SCP2: variants seen among roughly 807,000 people sequenced by gnomAD.
SCP2 encodes the protein SCP-2/3-oxoacyl-CoA thiolase.
A neutral mutation model predicts 71.4 loss-of-function variants in SCP2; 48 were observed. The ratio of observed to expected loss-of-function variants is 0.67; its 90% CI spans 0.53 to 0.86. The LOEUF is 0.86. Ranked by LOEUF, SCP2 falls within the 40% of genes least tolerant of loss-of-function variation. The pLI is 0.00. For synonymous variants in SCP2, 220 were observed against 218.1 expected, an observed-to-expected ratio of 1.01 and a Z score of -0.08; for missense variants, 560 against 655.6, an observed-to-expected ratio of 0.85 and a Z score of 1.59.
chr1:52,986,452 C>A (rs1307291298), intron 10 of SCP2, among the ~76,000 whole-genome samples: 3 of 152,136 alleles, frequency 2.0e-5, no homozygotes, highest in Admixed American at 2.0e-4. Context: ...AGAGAGAATG[C>A]CTTAGCCAAT....
chr1:53,012,755 C>T (rs140898276), intron 11 of SCP2, among the ~76,000 whole-genome samples: 1 of 152,320 alleles, frequency 6.6e-6, no homozygotes, highest in Non-Finnish European at 1.5e-5. Flanking sequence ...ATAGAGGTGG[C>T]TATCTTGCCA....
intron 10 of SCP2, among the ~76,000 whole-genome samples, chr1:52,984,558 A>G (rs1417529012): frequency 1.3e-5 from 2 of 149,138 alleles, no homozygotes; most frequent in East Asian, 3.9e-4. Context: ...TTTCTTTGAG[A>G]TGGAGTTTCT....
chr1:52,949,738 G>A lies in SCP2; in HGVS notation c.200-1017G>A, dbSNP rs554720738. Among the ~76,000 whole-genome samples the A allele has an allele frequency of 2.6e-5, 4 of 152,338 alleles. No individual in the cohort carries two copies. The South Asian group carries it at 8.3e-4, about 32-fold the overall frequency. Reference sequence around the variant, plus strand: ...GAAGAGGAACAGGCTATGACTTAATGCTTGCTTGGGCCAGTATAAGCATGC... The same window carrying A: ...GAAGAGGAACAGGCTATGACTTAATACTTGCTTGGGCCAGTATAAGCATGC... On this transcript the variant is annotated intron_variant, in intron 3 of 15. Transcript: ENST00000371514.
In SCP2 at chr1:52,999,630, A is replaced by G. The variant is rs114904166; in HGVS notation, c.1081+11494A>G. ...ATTGAGTATTCTTTTGTTCATTGTT[A>G]GTTTAAAAACATTAATTCCTTTTAG... On this transcript the variant is annotated intron_variant, in intron 11 of 15. Transcript: ENST00000371514. 2.7e-3 allele frequency among the ~76,000 whole-genome samples: 412 copies of G among 152,312 alleles called. 3 individuals carry two copies. The highest frequency in any genetic ancestry group is 9.3e-3 in the African/African-American group (386 of 41,584).
At chr1:53,048,038 A>G in intron 15 of SCP2, 101 bp downstream of exon 15, 4 of 826,426 alleles carry the variant, frequency 4.8e-6, no homozygotes, top group Non-Finnish European at 8.4e-6. Context: ...GGTCAGACTC[A>G]CAAAACTCAG....
intron 11 of SCP2, among the ~76,000 whole-genome samples, chr1:53,001,661 G>A (rs80233556): frequency 1.7e-3 from 256 of 152,194 alleles, no homozygotes; most frequent in African/African-American, 5.7e-3. Context: ...TAGCGTCCAG[G>A]GTCTTAACCA....
At chr1:52,951,049 G>C (rs35364355) in intron 4 of SCP2, among the ~76,000 whole-genome samples, 163 bp downstream of exon 4, 1 of 152,114 alleles carries the variant, frequency 6.6e-6, no homozygotes, top group East Asian at 1.9e-4. Flanking sequence ...GGGAGGCCGA[G>C]GGGGGTGGAT....
intron 5 of SCP2, among the ~76,000 whole-genome samples, chr1:52,959,016 C>T (rs1483458053): frequency 6.6e-6 from 1 of 152,146 alleles, no homozygotes; most frequent in Admixed American, 6.6e-5. Flanking sequence ...TGAGCCACCA[C>T]ACCCAGTCTA....
intron 13 of SCP2, among the ~76,000 whole-genome samples, chr1:53,032,830 G>T (rs948489136): frequency 1.3e-5 from 2 of 152,180 alleles, no homozygotes; most frequent in African/African-American, 4.8e-5. Flanking sequence ...TCTGCTTAAT[G>T]AGCTAATACT....
At chr1:53,014,785 T>A (rs2150227783) in intron 11 of SCP2, 105 bp from the exon 12 acceptor site, 2 of 1,261,128 alleles carry the variant, frequency 1.6e-6, no homozygotes, top group South Asian at 2.6e-5. Flanking sequence ...TACACAAACG[T>A]GGCCTCGGCT....
intron 11 of SCP2, chr1:52,994,188 A>G: frequency 4.8e-6 from 5 of 1,034,782 alleles, no homozygotes; most frequent in Non-Finnish European, 5.8e-6. Flanking sequence ...TGGGACATGG[A>G]GATGTCTGGA....
chr1:52,979,810 T>G (rs938564566), intron 9 of SCP2, among the ~76,000 whole-genome samples: 1 of 152,154 alleles, frequency 6.6e-6, no homozygotes, highest in Non-Finnish European at 1.5e-5. Flanking sequence ...AGTACAAAAT[T>G]GAATATGTAC....
At position 52,927,482 on chromosome 1, in the gene SCP2, C is replaced by T. The variant is rs1652543292; in HGVS notation, c.69+17C>T. 1.9e-6 allele frequency: 3 copies of T among 1,579,486 alleles called. No individual in the cohort carries two copies. The highest frequency in any genetic ancestry group is 2.6e-6 in the Non-Finnish European group (3 of 1,161,150). ...ATGACCAAGGTAAACCGAGCAGCGG[C>T]CCTGCTGGCCCTCTGAGGCTCGGGG... On this transcript the variant is annotated intron_variant, in intron 1 of 15. Coordinates refer to ENST00000371514, the MANE Select transcript of SCP2 (RefSeq NM_002979.5).
intron 6 of SCP2, among the ~76,000 whole-genome samples, chr1:52,962,842 T>C (rs552934959): frequency 1.3e-5 from 2 of 152,142 alleles, no homozygotes; most frequent in South Asian, 4.2e-4. Context: ...ATGGCACCTA[T>C]AATAATCTGA....
intron 11 of SCP2, chr1:52,995,859 C>A: frequency 7.7e-7 from 1 of 1,302,564 alleles, no homozygotes; most frequent in Non-Finnish European, 1.1e-6. Flanking sequence ...GCCATGTTCC[C>A]CTGGAAGGCC....
intron 11 of SCP2, chr1:52,993,407 C>T: frequency 6.2e-7 from 1 of 1,614,166 alleles, no homozygotes; most frequent in Non-Finnish European, 8.5e-7. Flanking sequence ...TGTTACCTGT[C>T]TTTGATGATC....
At chr1:53,035,227 C>T (rs184048294) in intron 13 of SCP2, among the ~76,000 whole-genome samples, 100 of 152,090 alleles carry the variant, frequency 6.6e-4, no homozygotes, top group African/African-American at 2.3e-3. Context: ...TTAAAGAGAA[C>T]TCAACAGGTT....
chr1:52,994,768 C>A, intron 11 of SCP2: 2 of 604,438 alleles, frequency 3.3e-6, no homozygotes, highest in South Asian at 1.6e-5. Context: ...GTGTGGCAAC[C>A]GGATGGGTGC....
intron 11 of SCP2, among the ~76,000 whole-genome samples, chr1:53,014,144 A>T (rs1196263510): frequency 6.7e-6 from 1 of 148,728 alleles, no homozygotes; most frequent in Non-Finnish European, 1.5e-5. Flanking sequence ...TGACCTCGTG[A>T]TCTGCCCTCC....
Sources: allele counts gnomAD v4.1 joint callset (sites outside exome capture counted in the v4.1 genomes callset), GRCh38; gene constraint gnomAD v4.1.1; transcripts MANE v1.5; gene names NCBI Gene and HGNC (gene_info 2026-07-23, HGNC 2026-07-21).